The following MGAT4C variants were observed in gnomAD, a reference collection of about 807,000 sequenced individuals.
The protein encoded by MGAT4C is MGAT4 family member C, also known as alpha-1,3-mannosyl-glycoprotein 4-beta-N-acetylglucosaminyltransferase C.
MGAT4C carries 19 observed loss-of-function variants against 40.1 expected under a neutral mutation model. The observed-to-expected ratio is 0.47, with a 90% CI of 0.33 to 0.70. The LOEUF (loss-of-function observed/expected upper bound fraction) is 0.70. Ranked by LOEUF, MGAT4C falls within the 30% of genes least tolerant of loss-of-function variation. The pLI, the probability that MGAT4C is intolerant of heterozygous loss-of-function variation, is 0.02. For missense variants in MGAT4C, 491 were observed against 563.2 expected (o/e 0.87, Z 1.30); for synonymous variants, 181 against 187.1 (o/e 0.97, Z 0.27).
intron 3 of MGAT4C, among the ~76,000 whole-genome samples, chr12:86,354,773 G>C (rs557387551): frequency 6.6e-6 from 1 of 152,154 alleles, no homozygotes; most frequent in Non-Finnish European, 1.5e-5. Flanking sequence ...TTATGTGTCC[G>C]GAGTTGGTTC....
intron 1 of MGAT4C, among the ~76,000 whole-genome samples, chr12:86,193,306 A>G (rs893595962): frequency 2.6e-5 from 4 of 151,882 alleles, no homozygotes; most frequent in Non-Finnish European, 5.9e-5. Context: ...TTGTTTTAAT[A>G]TATTTATATA....
chr12:86,539,541 T>C (rs1222928241), intron 2 of MGAT4C, among the ~76,000 whole-genome samples: 1 of 152,214 alleles, frequency 6.6e-6, no homozygotes, highest in African/African-American at 2.4e-5. Flanking sequence ...ATGTACCCAG[T>C]AATGGGATGG....
At chr12:86,776,492 A>T (rs2136176752) in intron 1 of MGAT4C, among the ~76,000 whole-genome samples, 1 of 152,160 alleles carries the variant, frequency 6.6e-6, no homozygotes, top group Admixed American at 6.6e-5. Context: ...TAACAGGGGA[A>T]ATAAAACTTA....
chr12:86,336,850 C>A (rs577851042), intron 3 of MGAT4C, among the ~76,000 whole-genome samples: 4 of 152,030 alleles, frequency 2.6e-5, no homozygotes, highest in Non-Finnish European at 4.4e-5. Context: ...TATTTGTATG[C>A]GAGTTCACTT....
At chr12:86,240,551 C>T (rs1490694205) in intron 1 of MGAT4C, among the ~76,000 whole-genome samples, 1 of 151,920 alleles carries the variant, frequency 6.6e-6, no homozygotes, top group Non-Finnish European at 1.5e-5. Flanking sequence ...AAATGAGGAA[C>T]ATTCATCTAC....
chr12:86,073,547 T>C (rs1049303803), intron 1 of MGAT4C, among the ~76,000 whole-genome samples: 13 of 152,148 alleles, frequency 8.5e-5, no homozygotes, highest in African/African-American at 2.2e-4. Context: ...AAAATGCTTA[T>C]AGTGATATGG....
chr12:86,314,966 T>C (rs1258884575), intron 4 of MGAT4C, among the ~76,000 whole-genome samples: 1 of 151,926 alleles, frequency 6.6e-6, no homozygotes, highest in Non-Finnish European at 1.5e-5. Flanking sequence ...AAACTGCCAA[T>C]GTCATTTTTT....
chr12:86,588,158 A>ATG (rs1961150164), intron 2 of MGAT4C, among the ~76,000 whole-genome samples: 3 of 151,700 alleles, frequency 2.0e-5, no homozygotes, highest in African/African-American at 7.3e-5. Flanking sequence ...TTTAGCATGA[A>ATG]GCATTGTTGA....
chr12:86,366,208 T>C (rs1009763047), intron 3 of MGAT4C, among the ~76,000 whole-genome samples: 13 of 152,184 alleles, frequency 8.5e-5, no homozygotes. Flanking sequence ...GTTACTGGTG[T>C]ATAGAAATGT....
At chr12:86,035,381 T>C (rs1247642768) in intron 2 of MGAT4C, among the ~76,000 whole-genome samples, 1 of 150,304 alleles carries the variant, frequency 6.7e-6, no homozygotes, top group Non-Finnish European at 1.5e-5. Context: ...ATGTCTTCTT[T>C]TGAGAAGTGT....
intron 3 of MGAT4C, among the ~76,000 whole-genome samples, chr12:86,356,413 C>T (rs61950747): frequency 0.085 from 12,883 of 152,148 alleles, 754 homozygotes; most frequent in Middle Eastern, 0.22. Flanking sequence ...GTGAGCAATG[C>T]AGAAGATGGG....
chr12:86,704,800 T>C (rs931265201), intron 2 of MGAT4C, among the ~76,000 whole-genome samples: 3 of 152,174 alleles, frequency 2.0e-5, no homozygotes, highest in Admixed American at 6.6e-5. Context: ...ACATGATATA[T>C]TACTACTAAG....
intron 1 of MGAT4C, among the ~76,000 whole-genome samples, chr12:86,165,985 A>G (rs1171616741): frequency 6.6e-6 from 1 of 152,166 alleles, no homozygotes; most frequent in African/African-American, 2.4e-5. Flanking sequence ...CCAAATTTAA[A>G]ATTTAAGCAG....
intron 1 of MGAT4C, among the ~76,000 whole-genome samples, chr12:86,128,615 A>C (rs1449527298): frequency 2.6e-5 from 4 of 152,204 alleles, no homozygotes; most frequent in Admixed American, 2.6e-4. Context: ...GACTATATAT[A>C]TCAAAATACG....
chr12:86,097,087 C>T (rs191083028), intron 1 of MGAT4C, among the ~76,000 whole-genome samples: 1 of 151,596 alleles, frequency 6.6e-6, no homozygotes, highest in African/African-American at 2.4e-5. Flanking sequence ...CTTTCAAGTT[C>T]GAGTATATTA....
At chr12:85,982,180 T>G (rs1183480922) in intron 4 of MGAT4C, among the ~76,000 whole-genome samples, 1 of 152,098 alleles carries the variant, frequency 6.6e-6, no homozygotes, top group Non-Finnish European at 1.5e-5. Context: ...GTTTTTTTGT[T>G]TTTGTTTTTG....
chr12:86,541,541 C>A (rs1959167596), intron 2 of MGAT4C, among the ~76,000 whole-genome samples: 1 of 152,050 alleles, frequency 6.6e-6, no homozygotes, highest in African/African-American at 2.4e-5. Flanking sequence ...ACAAAATAAG[C>A]AGCTGAAAAT....
chr12:86,659,070 G>T (rs1488549663), intron 2 of MGAT4C, among the ~76,000 whole-genome samples: 2 of 151,950 alleles, frequency 1.3e-5, no homozygotes, highest in Non-Finnish European at 2.9e-5. Flanking sequence ...GAGATTTGGG[G>T]TTTGATTGTT....
At chr12:86,175,795 CAAAAAAAAAA>C (rs61441239) in intron 1 of MGAT4C, among the ~76,000 whole-genome samples, 8 of 83,644 alleles carry the variant, frequency 9.6e-5, no homozygotes, top group African/African-American at 3.0e-4. Context: ...ACTAAAAATA[CAAAAAAAAAA>C]AAAAAAAAAA....
Sources: allele counts gnomAD v4.1 joint callset (sites outside exome capture counted in the v4.1 genomes callset), GRCh38; gene constraint gnomAD v4.1.1; transcripts MANE v1.5; gene names NCBI Gene and HGNC (gene_info 2026-07-23, HGNC 2026-07-21).